The following ITPR1 variants were observed in gnomAD, a reference collection of about 807,000 sequenced individuals.
ITPR1 encodes inositol 1,4,5-trisphosphate receptor type 1.
A neutral mutation model predicts 318.4 loss-of-function variants in ITPR1; 96 were observed. That is an observed-to-expected ratio of 0.30 (90% CI 0.26 to 0.36). The LOEUF (loss-of-function observed/expected upper bound fraction) is 0.36. Among genes scored for constraint, ITPR1 ranks in the 10% least tolerant of loss-of-function variants. The pLI, the probability that ITPR1 is intolerant of heterozygous loss-of-function variation, is 1.00. For synonymous variants in ITPR1, 1,312 were observed against 1,289.9 expected, an observed-to-expected ratio of 1.02 and a Z score of -0.37; for missense variants, 2,440 against 3,460.2, an observed-to-expected ratio of 0.71 and a Z score of 7.40.
intron 5 of ITPR1, among the ~76,000 whole-genome samples, chr3:4,631,266 G>T (rs1025748620): frequency 6.6e-6 from 1 of 151,952 alleles, no homozygotes; most frequent in Non-Finnish European, 1.5e-5. Flanking sequence ...ACTGCAGTAT[G>T]AGCTTGGTGC....
In ITPR1 at chr3:4,675,155, T is replaced by C. The variant is rs111670385; in HGVS notation, c.2686T>C (p.Leu896=). Residue 896 remains leucine (L), a synonymous_variant, in exon 23 of 62, where the codon TTG becomes CTG. Transcript: ENST00000649015. ...ATTAACTAAGATCCTTCTGGCCATA[T>C]TGGACTGTGTACATGTGACAACAAT... The part of the protein sequence containing the change: ...LRLTKILLAI[L]DCVHVTTIFP... 16 of 1,610,648 alleles carry C rather than the reference T, an allele frequency of 9.9e-6. 1 individual carries two copies. The South Asian group carries it at 1.2e-4, about 12-fold the overall frequency.
chr3:4,609,087 T>TACACACAC (rs1365493770), intron 4 of ITPR1, among the ~76,000 whole-genome samples: 1 of 96,910 alleles, frequency 1.0e-5, no homozygotes. Flanking sequence ...TATATATATA[T>TACACACAC]ATACACACAC....
intron 44 of ITPR1, among the ~76,000 whole-genome samples, chr3:4,737,050 A>T (rs947428179): frequency 2.6e-5 from 4 of 152,186 alleles, no homozygotes; most frequent in South Asian, 2.1e-4. Context: ...TCCAATCTTT[A>T]TCCTTAGCCA....
intron 4 of ITPR1, among the ~76,000 whole-genome samples, chr3:4,599,134 T>A (rs988572047): frequency 6.6e-6 from 1 of 152,170 alleles, no homozygotes; most frequent in Non-Finnish European, 1.5e-5. Context: ...AAATATTTCA[T>A]TTTTACTACA....
intron 4 of ITPR1, among the ~76,000 whole-genome samples, chr3:4,568,424 G>A (rs986830906): frequency 2.6e-5 from 4 of 152,172 alleles, no homozygotes; most frequent in African/African-American, 9.7e-5. Flanking sequence ...TTGGGTTAAG[G>A]CATTATTTCT....
chr3:4,768,323 G>A (rs2045950372), intron 45 of ITPR1, 188 bp from the exon 46 acceptor site: 2 of 579,864 alleles, frequency 3.4e-6, no homozygotes, highest in Non-Finnish European at 2.9e-6. Flanking sequence ...CAAGTAAGGT[G>A]GCAGGGCCTG....
chr3:4,529,343 C>G (rs9784366), intron 4 of ITPR1, among the ~76,000 whole-genome samples: 1,914 of 152,248 alleles, frequency 0.013, 36 homozygotes, highest in African/African-American at 0.044. Context: ...GTGACTTCCT[C>G]CATTGAGGGT....
At chr3:4,573,807 C>T (rs1157498665) in intron 4 of ITPR1, among the ~76,000 whole-genome samples, 3 of 152,114 alleles carry the variant, frequency 2.0e-5, no homozygotes, top group East Asian at 1.9e-4. Flanking sequence ...ATTCTCTTAC[C>T]GTACTTTCTT....
Position 4,568,082 on chromosome 3 carries a change from G to A in ITPR1, c.163+46988G>A, listed in dbSNP as rs181247544. ...GGTGGGGATGGGAGAGCCTGAAGGC[G>A]CAGACCTGAGAAGAGAAGGAGATTA... On this transcript the variant is annotated intron_variant, in intron 4 of 61. Transcript: ENST00000649015. Among the ~76,000 whole-genome samples the A allele has an allele frequency of 1.1e-3, 173 of 152,276 alleles. 1 individual carries two copies. Among genetic ancestry groups the A allele is most frequent in the African/African-American group, 3.5e-3 (144 of 41,532 alleles).
intron 4 of ITPR1, among the ~76,000 whole-genome samples, chr3:4,589,925 C>T (rs2090247319): frequency 1.3e-5 from 2 of 152,186 alleles, no homozygotes; most frequent in South Asian, 2.1e-4. Flanking sequence ...CTCGGGCTCT[C>T]CTGGTTCTTT....
At chr3:4,546,568 C>G (rs1055845534) in intron 4 of ITPR1, among the ~76,000 whole-genome samples, 7 of 152,162 alleles carry the variant, frequency 4.6e-5, no homozygotes, top group Admixed American at 4.6e-4. Context: ...CAGTCAGTAG[C>G]AAATGCATGC....
At chr3:4,780,334 G>A (rs112339527) in intron 49 of ITPR1, among the ~76,000 whole-genome samples, 301 of 152,284 alleles carry the variant, frequency 2.0e-3, no homozygotes, top group Non-Finnish European at 3.5e-3. Context: ...CCAAGAGTCT[G>A]AGCTACAGAA....
chr3:4,827,542 G>A (rs2050157288), intron 60 of ITPR1, among the ~76,000 whole-genome samples: 1 of 152,196 alleles, frequency 6.6e-6, no homozygotes, highest in South Asian at 2.1e-4. Context: ...TCATTTGTAT[G>A]AGAAAGCTAT....
intron 4 of ITPR1, among the ~76,000 whole-genome samples, chr3:4,562,925 TAAG>T (rs1238602437): frequency 1.8e-5 from 2 of 109,682 alleles, no homozygotes; most frequent in African/African-American, 7.3e-5. Context: ...GAATATAAAA[TAAG>T]GAGGATGTGA....
chr3:4,782,613 T>C lies in ITPR1; in HGVS notation c.6388-6T>C. On this transcript the variant is annotated splice_polypyrimidine_tract_variant and splice_region_variant and intron_variant, in intron 49 of 61. Coordinates refer to ENST00000649015, the MANE Select transcript of ITPR1 (RefSeq NM_001378452.1). ...AGGATTTTTGTTCCCTTGGCTCTTC[T>C]TGCAGGTGGAAGTGATCAAGAAAGC... 1.2e-6 allele frequency: 2 copies of C among 1,602,842 alleles called. No individual in the cohort carries two copies. Among genetic ancestry groups the C allele is most frequent in the Non-Finnish European group, 1.7e-6 (2 of 1,174,318 alleles).
chr3:4,634,471 C>T (rs2093117017), intron 5 of ITPR1, among the ~76,000 whole-genome samples: 1 of 151,986 alleles, frequency 6.6e-6, no homozygotes, highest in Non-Finnish European at 1.5e-5. Flanking sequence ...CTCGGCCTCC[C>T]AAAGTGCCAG....
intron 7 of ITPR1, among the ~76,000 whole-genome samples, chr3:4,642,959 C>T (rs746338600): frequency 1.4e-4 from 21 of 152,192 alleles, no homozygotes; most frequent in Non-Finnish European, 2.6e-4. Flanking sequence ...CCGCAAACAG[C>T]ATGAAATAGT....
intron 47 of ITPR1, 65 bp downstream of exon 47, chr3:4,775,507 C>G (rs534832169): frequency 1.6e-6 from 2 of 1,262,648 alleles, no homozygotes; most frequent in South Asian, 1.3e-5. Flanking sequence ...TTGATAGAGA[C>G]TAGTTCAGAA....
intron 44 of ITPR1, among the ~76,000 whole-genome samples, chr3:4,738,030 T>A (rs182047544): frequency 6.6e-6 from 1 of 152,038 alleles, no homozygotes; most frequent in African/African-American, 2.4e-5. Flanking sequence ...TGGACACTTA[T>A]AGGGGGAACG....
Sources: gnomAD v4.1 joint callset for allele counts (sites outside exome capture counted in the v4.1 genomes callset) on GRCh38, gnomAD v4.1.1 for gene constraint, MANE v1.5 for transcripts, NCBI Gene and HGNC (gene_info 2026-07-23, HGNC 2026-07-21) for gene names.